The following CARMIL1 variants were observed in gnomAD, a reference collection of about 807,000 sequenced individuals.
CARMIL1 encodes the protein F-actin-uncapping protein LRRC16A.
A neutral mutation model predicts 177.1 loss-of-function variants in CARMIL1; 90 were observed. The observed-to-expected ratio is 0.51, with a 90% CI of 0.43 to 0.61. CARMIL1 has a LOEUF of 0.61. Among genes scored for constraint, CARMIL1 ranks in the 20% least tolerant of loss-of-function variants. The pLI is 0.00. For missense variants in CARMIL1, 1,380 were observed against 1,667.0 expected, an observed-to-expected ratio of 0.83 and a Z score of 3.00; for synonymous variants, 577 against 606.2, an observed-to-expected ratio of 0.95 and a Z score of 0.71.
At chr6:25,564,180 A>G (rs1219853012) in intron 29 of CARMIL1, among the ~76,000 whole-genome samples, 1 of 152,156 alleles carries the variant, frequency 6.6e-6, no homozygotes, top group African/African-American at 2.4e-5. Flanking sequence ...CATCTATAAT[A>G]ACTCTCTCTA....
At chr6:25,305,801 T>C (rs1401558222) in intron 2 of CARMIL1, among the ~76,000 whole-genome samples, 1 of 152,200 alleles carries the variant, frequency 6.6e-6, no homozygotes, top group African/African-American at 2.4e-5. Flanking sequence ...ATATATAGGT[T>C]ACCAGCCTAA....
intron 24 of CARMIL1, among the ~76,000 whole-genome samples, chr6:25,531,255 T>A (rs904945159): frequency 1.8e-4 from 28 of 152,234 alleles, no homozygotes; most frequent in African/African-American, 6.5e-4. Flanking sequence ...ATTTTTGTCA[T>A]TTTAGACCAT....
chr6:25,559,548 T>A (rs1810929023), intron 29 of CARMIL1, among the ~76,000 whole-genome samples: 1 of 122,160 alleles, frequency 8.2e-6, no homozygotes, highest in South Asian at 3.2e-4. Context: ...CCCTGGTGGG[T>A]AGAATTTGTG....
intron 2 of CARMIL1, among the ~76,000 whole-genome samples, chr6:25,304,883 G>A (rs181667764): frequency 1.3e-5 from 2 of 152,336 alleles, no homozygotes; most frequent in East Asian, 3.9e-4. Context: ...GGATAGTTGA[G>A]TCCCTCAGTG....
At chr6:25,342,990 G>A (rs991004626) in intron 2 of CARMIL1, among the ~76,000 whole-genome samples, 1 of 152,114 alleles carries the variant, frequency 6.6e-6, no homozygotes, top group Non-Finnish European at 1.5e-5. Flanking sequence ...ACAAGCACAC[G>A]GCTTCCTTCT....
intron 2 of CARMIL1, among the ~76,000 whole-genome samples, chr6:25,409,489 T>C (rs1432556204): frequency 6.6e-6 from 1 of 152,182 alleles, no homozygotes; most frequent in Non-Finnish European, 1.5e-5. Context: ...TCAAGCAACA[T>C]GCCTAATACC....
chr6:25,557,624 G>T (rs1810741503), intron 29 of CARMIL1, among the ~76,000 whole-genome samples: 1 of 152,098 alleles, frequency 6.6e-6, no homozygotes, highest in African/African-American at 2.4e-5. Context: ...AATCTGAGGT[G>T]GTGGTGGTAA....
At chr6:25,298,341 A>C (rs549960882) in intron 2 of CARMIL1, among the ~76,000 whole-genome samples, 1 of 152,220 alleles carries the variant, frequency 6.6e-6, no homozygotes, top group Non-Finnish European at 1.5e-5. Context: ...TACAAGGTAC[A>C]TGTTGTTATG....
At chr6:25,475,914 T>C (rs1390738800) in intron 11 of CARMIL1, among the ~76,000 whole-genome samples, 1 of 152,194 alleles carries the variant, frequency 6.6e-6, no homozygotes, top group Non-Finnish European at 1.5e-5. Flanking sequence ...TCTGCCCACA[T>C]GAGAACTAGA....
chr6:25,521,932 C>G (rs1488773564), intron 23 of CARMIL1, among the ~76,000 whole-genome samples: 1 of 152,146 alleles, frequency 6.6e-6, no homozygotes, highest in Non-Finnish European at 1.5e-5. Flanking sequence ...GCCCTGAACC[C>G]TTACCCCATA....
chr6:25,532,696 G>C (rs1807891223), intron 24 of CARMIL1, among the ~76,000 whole-genome samples: 1 of 152,142 alleles, frequency 6.6e-6, no homozygotes, highest in Non-Finnish European at 1.5e-5. Flanking sequence ...ATTTGTTTTT[G>C]TCTGGTGACT....
intron 2 of CARMIL1, among the ~76,000 whole-genome samples, chr6:25,414,263 C>T (rs1795178757): frequency 6.6e-6 from 1 of 152,170 alleles, no homozygotes; most frequent in African/African-American, 2.4e-5. Context: ...ATAAGTCTTT[C>T]TGATTCCAAA....
chr6:25,437,365 AT>A (rs1797325810), intron 5 of CARMIL1, among the ~76,000 whole-genome samples: 1 of 152,184 alleles, frequency 6.6e-6, no homozygotes, highest in African/African-American at 2.4e-5. Context: ...GAAACTAACC[AT>A]TTTTATTTTT....
intron 24 of CARMIL1, among the ~76,000 whole-genome samples, chr6:25,530,992 A>G (rs1807713552): frequency 6.6e-6 from 1 of 152,236 alleles, no homozygotes; most frequent in Admixed American, 6.5e-5. Context: ...GAAAATCGCA[A>G]TAATGTAAAG....
chr6:25,450,993 TCCCCTCTCCCCTCTCCCCTCTCC>T (rs1798850237), intron 8 of CARMIL1, among the ~76,000 whole-genome samples: 1 of 35,122 alleles, frequency 2.8e-5, no homozygotes, highest in African/African-American at 8.8e-5. Flanking sequence ...CCCTCCCCTC[TCCCCTCTCCCCTCTCCCCTCTCC>T]CCTCTCTTCT....
intron 11 of CARMIL1, 172 bp downstream of exon 11, chr6:25,472,693 A>G (rs1158944626): frequency 1.7e-5 from 10 of 573,590 alleles, no homozygotes; most frequent in East Asian, 2.9e-5. Context: ...TTATGTTACA[A>G]TTGTATGATC....
chr6:25,541,515 A>T (rs1392198330), intron 26 of CARMIL1, among the ~76,000 whole-genome samples: 1 of 152,222 alleles, frequency 6.6e-6, no homozygotes, highest in Non-Finnish European at 1.5e-5. Context: ...TTAGTCAAAT[A>T]GTATTATACT....
intron 8 of CARMIL1, among the ~76,000 whole-genome samples, chr6:25,459,277 T>TCTTTTCTTTTC (rs1450322009): frequency 7.2e-6 from 1 of 139,594 alleles, no homozygotes; most frequent in East Asian, 2.1e-4. Context: ...TTTTTTTTTT[T>TCTTTTCTTTTC]TTTAAGACAG....
At chr6:25,363,887 TC>T (rs919603056) in intron 2 of CARMIL1, among the ~76,000 whole-genome samples, 2 of 152,210 alleles carry the variant, frequency 1.3e-5, no homozygotes, top group African/African-American at 4.8e-5. Context: ...GATTCAGTGA[TC>T]AACACTTTAA....
Sources: allele counts gnomAD v4.1 joint callset (sites outside exome capture counted in the v4.1 genomes callset), GRCh38; gene constraint gnomAD v4.1.1; transcripts MANE v1.5; gene names NCBI Gene and HGNC (gene_info 2026-07-23, HGNC 2026-07-21).